AIMP1: variants seen among roughly 807,000 people sequenced by gnomAD.
AIMP1 encodes aminoacyl tRNA synthase complex-interacting multifunctional protein 1.
In AIMP1, 24 loss-of-function variants were observed where a neutral mutation model predicts 33.1. That is an observed-to-expected ratio of 0.73 (90% CI 0.53 to 1.02). The LOEUF (loss-of-function observed/expected upper bound fraction) is 1.02. Ranked by LOEUF, AIMP1 falls within the 50% of genes least tolerant of loss-of-function variation. The probability of loss-of-function intolerance (pLI) is 0.00; values close to 1 mark genes in which losing one functional copy is unlikely to be tolerated. For missense variants in AIMP1, 367 were observed against 364.8 expected, an observed-to-expected ratio of 1.01 and a Z score of -0.05; for synonymous variants, 120 against 121.5, an observed-to-expected ratio of 0.99 and a Z score of 0.08.
intron 6 of AIMP1, among the ~76,000 whole-genome samples, chr4:106,343,614 G>T (rs986857287): frequency 6.6e-6 from 1 of 151,870 alleles, no homozygotes; most frequent in Admixed American, 6.6e-5. Flanking sequence ...ACATTTTTTT[G>T]GAGATTACAT....
intron 1 of AIMP1, among the ~76,000 whole-genome samples, chr4:106,319,232 G>T (rs766208320): frequency 7.2e-5 from 11 of 152,080 alleles, no homozygotes; most frequent in Non-Finnish European, 1.6e-4. Flanking sequence ...TGTTGTCATC[G>T]TGGGGCAGAG....
In AIMP1 at chr4:106,332,796, G is replaced by A. The variant is rs1038955186; in HGVS notation, c.603+913G>A. Among the ~76,000 whole-genome samples the A allele has an allele frequency of 4.5e-4, 69 of 151,934 alleles. 1 individual carries two copies. The highest frequency in any genetic ancestry group is 3.4e-3 in the Middle Eastern group (1 of 290). Reference sequence around the variant, plus strand: ...TTTACTGTTTACCATTCAAGGTGGAGTTAGTCATGAAACTTCTAACTACAG... The same window carrying A: ...TTTACTGTTTACCATTCAAGGTGGAATTAGTCATGAAACTTCTAACTACAG... On this transcript the variant is annotated intron_variant, in intron 5 of 6. Coordinates refer to ENST00000672341, the MANE Select transcript of AIMP1 (RefSeq NM_001142416.2).
At chr4:106,336,030 C>CTTTTTTTT (rs34219049) in intron 5 of AIMP1, among the ~76,000 whole-genome samples, 3 of 59,390 alleles carry the variant, frequency 5.1e-5, no homozygotes, top group Non-Finnish European at 9.2e-5. Flanking sequence ...GTTAAATGAT[C>CTTTTTTTT]TTTTTTTTTT....
chr4:106,319,559 T>C (rs1054521252), intron 1 of AIMP1, among the ~76,000 whole-genome samples: 2 of 152,152 alleles, frequency 1.3e-5, no homozygotes, highest in African/African-American at 4.8e-5. Context: ...TCCTAAAAAA[T>C]GCATTATTAC....
chr4:106,324,350 T>G (rs1769379566), intron 1 of AIMP1, among the ~76,000 whole-genome samples: 1 of 152,040 alleles, frequency 6.6e-6, no homozygotes, highest in Non-Finnish European at 1.5e-5. Flanking sequence ...TCTCAGAATG[T>G]TTGCTTACAT....
intron 6 of AIMP1, among the ~76,000 whole-genome samples, chr4:106,338,489 G>A (rs1769976610): frequency 6.6e-6 from 1 of 152,238 alleles, no homozygotes. Context: ...TTCAGAGAGT[G>A]CAAGCCCTAA....
chr4:106,342,769 T>C (rs902526928), intron 6 of AIMP1, among the ~76,000 whole-genome samples: 6 of 152,142 alleles, frequency 3.9e-5, no homozygotes, highest in African/African-American at 1.4e-4. Context: ...CTCTGACAGT[T>C]TTTGGTGTCA....
intron 3 of AIMP1, 37 bp downstream of exon 3, chr4:106,327,601 TAAG>T (rs1431593030): frequency 2.6e-6 from 4 of 1,516,710 alleles, no homozygotes; most frequent in Non-Finnish European, 2.7e-6. Context: ...ATCCAGAAGT[TAAG>T]AAGTTGGCCA....
intron 5 of AIMP1, among the ~76,000 whole-genome samples, chr4:106,334,619 G>A (rs997701129): frequency 1.3e-5 from 2 of 152,088 alleles, no homozygotes; most frequent in African/African-American, 4.8e-5. Context: ...ATTTGTATAA[G>A]GGAGTCAGAA....
intron 6 of AIMP1, among the ~76,000 whole-genome samples, chr4:106,339,102 G>A (rs1178696847): frequency 6.6e-6 from 1 of 152,182 alleles, no homozygotes; most frequent in Non-Finnish European, 1.5e-5. Context: ...TAACTAACTT[G>A]CTTTTGATTT....
chr4:106,331,440 C>A (rs193030304), intron 4 of AIMP1, among the ~76,000 whole-genome samples: 38 of 152,256 alleles, frequency 2.5e-4, no homozygotes, highest in Non-Finnish European at 4.7e-4. Flanking sequence ...AGTTTGCCAA[C>A]CTCACACAAT....
chr4:106,336,335 C>A (rs1339081542), intron 5 of AIMP1, among the ~76,000 whole-genome samples: 2 of 151,130 alleles, frequency 1.3e-5, no homozygotes, highest in African/African-American at 2.4e-5. Context: ...AGCCACCACA[C>A]CCAGCCAATT....
At chr4:106,318,520 A>G (rs1479787483) in intron 1 of AIMP1, among the ~76,000 whole-genome samples, 3 of 152,202 alleles carry the variant, frequency 2.0e-5, no homozygotes, top group African/African-American at 7.2e-5. Context: ...AGAAAGGAAG[A>G]AAATGATTAA....
chr4:106,321,241 CG>C (rs1769216595), intron 1 of AIMP1: 1 of 158,974 alleles, frequency 6.3e-6, no homozygotes, highest in Admixed American at 6.5e-5. Flanking sequence ...TCTGCCCGGC[CG>C]CCCAGTCTGG....
chr4:106,340,029 G>A (rs1270733049), intron 6 of AIMP1, among the ~76,000 whole-genome samples: 1 of 152,090 alleles, frequency 6.6e-6, no homozygotes, highest in African/African-American at 2.4e-5. Flanking sequence ...ATTCTTGGCA[G>A]ATATAGAATA....
intron 5 of AIMP1, among the ~76,000 whole-genome samples, chr4:106,334,500 G>A (rs1391150471): frequency 6.6e-6 from 1 of 151,966 alleles, no homozygotes; most frequent in Non-Finnish European, 1.5e-5. Context: ...CCTGACCTCA[G>A]GTGATCCGCC....
intron 1 of AIMP1, among the ~76,000 whole-genome samples, chr4:106,319,054 T>C (rs1473524131): frequency 6.6e-6 from 1 of 152,160 alleles, no homozygotes; most frequent in Non-Finnish European, 1.5e-5. Flanking sequence ...CCAACAAAAA[T>C]GTAAATTTTT....
At chr4:106,335,842 A>T (rs1005582725) in intron 5 of AIMP1, among the ~76,000 whole-genome samples, 1 of 151,558 alleles carries the variant, frequency 6.6e-6, no homozygotes, top group Non-Finnish European at 1.5e-5. Flanking sequence ...GTTCTCTTGT[A>T]TGATTCATTT....
At chr4:106,329,858 T>C (rs1477962103) in intron 4 of AIMP1, among the ~76,000 whole-genome samples, 2 of 138,404 alleles carry the variant, frequency 1.4e-5, no homozygotes, top group Non-Finnish European at 3.1e-5. Flanking sequence ...TAATCTCGGC[T>C]CACTGCAACC....
Sources: allele counts gnomAD v4.1 joint callset (sites outside exome capture counted in the v4.1 genomes callset), GRCh38; gene constraint gnomAD v4.1.1; transcripts MANE v1.5; gene names NCBI Gene and HGNC (gene_info 2026-07-23, HGNC 2026-07-21).